The following SYNJ2 variants were observed in gnomAD, a reference collection of about 807,000 sequenced individuals.
The protein encoded by SYNJ2 is polyphosphatidylinositol phosphatase SYNJ2.
SYNJ2 carries 116 observed loss-of-function variants against 141.3 expected under a neutral mutation model. That is an observed-to-expected ratio of 0.82 (90% confidence interval 0.71 to 0.96). SYNJ2 has a LOEUF of 0.96. Ranked by LOEUF, SYNJ2 falls within the 40% of genes least tolerant of loss-of-function variation. The pLI, the probability that SYNJ2 is intolerant of heterozygous loss-of-function variation, is 0.00. For missense variants in SYNJ2, 1,873 were observed against 1,934.8 expected (o/e 0.97, Z 0.60); for synonymous variants, 745 against 777.7 (o/e 0.96, Z 0.70).
intron 8 of SYNJ2, 132 bp from the exon 9 acceptor site, chr6:158,063,659 C>CAA (rs71298907): frequency 0.039 from 7,286 of 187,390 alleles, 42 homozygotes; most frequent in South Asian, 0.049. Flanking sequence ...GACTCTGTCT[C>CAA]AAAAAAAAAA....
intron 2 of SYNJ2, among the ~76,000 whole-genome samples, chr6:158,026,370 C>G (rs544226869): frequency 6.6e-6 from 1 of 152,206 alleles, no homozygotes. Context: ...CCTCTCTGTG[C>G]GTCTGTTTCC....
chr6:158,077,468 T>A (rs927578573), intron 17 of SYNJ2, among the ~76,000 whole-genome samples: 2 of 152,022 alleles, frequency 1.3e-5, no homozygotes, highest in African/African-American at 4.8e-5. Context: ...TTATCCAGCC[T>A]ATTTTGTTCA....
At chr6:158,051,763 A>G (rs1318924810) in intron 5 of SYNJ2, among the ~76,000 whole-genome samples, 1 of 150,076 alleles carries the variant, frequency 6.7e-6, no homozygotes, top group Non-Finnish European at 1.5e-5. Context: ...CGTGGGCAGC[A>G]TGGCGAAACC....
intron 12 of SYNJ2, chr6:158,067,517 A>G (rs527678890): frequency 1.0e-6 from 1 of 985,350 alleles, no homozygotes; most frequent in African/African-American, 1.7e-5. Context: ...TGAAGAATAA[A>G]TGATTCTTGT....
At chr6:157,991,921 T>G (rs936534257) in intron 1 of SYNJ2, among the ~76,000 whole-genome samples, 2 of 152,002 alleles carry the variant, frequency 1.3e-5, no homozygotes, top group Non-Finnish European at 2.9e-5. Context: ...GATTAAAATA[T>G]GGACTGTGCT....
Position 158,048,852 on chromosome 6 carries a change from G to A in SYNJ2, c.795+5453G>A, listed in dbSNP as rs139848792. ...GTTGGGACCAGCTGGGTGCACCGTCGGCTTGCAAGCCTGCAGGAGCTGGCT... is the reference window on the plus strand; with the variant it reads ...GTTGGGACCAGCTGGGTGCACCGTCAGCTTGCAAGCCTGCAGGAGCTGGCT... On this transcript the variant is annotated intron_variant, in intron 5 of 26. Transcript: ENST00000355585. Among the ~76,000 whole-genome samples the A allele has an allele frequency of 2.3e-3, 356 of 152,258 alleles. 1 individual carries two copies. Among genetic ancestry groups the A allele is most frequent in the African/African-American group, 8.2e-3 (341 of 41,538 alleles).
At chr6:158,065,056 C>T (rs768887695) in intron 11 of SYNJ2, 65 bp downstream of exon 11, 76 of 1,460,326 alleles carry the variant, frequency 5.2e-5, no homozygotes, top group Middle Eastern at 2.5e-4. Flanking sequence ...ACTTTCCCAC[C>T]GCCTCTGTGC....
At chr6:158,045,358 C>T (rs1242795176) in intron 5 of SYNJ2, among the ~76,000 whole-genome samples, 18 of 152,132 alleles carry the variant, frequency 1.2e-4, no homozygotes, top group Non-Finnish European at 1.6e-4. Flanking sequence ...GATCCACCCG[C>T]CTCAGCCTCC....
intron 1 of SYNJ2, among the ~76,000 whole-genome samples, chr6:158,003,310 G>A (rs919030073): frequency 2.0e-5 from 3 of 152,158 alleles, no homozygotes; most frequent in Admixed American, 1.3e-4. Flanking sequence ...GTCTTGGCTC[G>A]CAGCTTCTGT....
At position 158,096,134 on chromosome 6, in the gene SYNJ2, C is replaced by T; in HGVS notation, c.4261C>T (p.His1421Tyr). ...YQDPFWNLLH[H>Y]PKLLNNTWLS... The stretch of plus-strand genomic sequence containing the variant: ...GGACCCCTTCTGGAACCTTCTTCAC[C>T]ACCCTAAACTGTTGAATAACACTTG... The change falls in exon 27 of 27, where the codon CAC (histidine) becomes TAC (tyrosine). Residue 1421 changes from histidine (H) to tyrosine (Y), a missense_variant. Coordinates refer to ENST00000355585, the MANE Select transcript of SYNJ2 (RefSeq NM_003898.4). The T allele has an allele frequency of 6.2e-7, 1 of 1,614,268 alleles. No individual in the cohort carries two copies. The highest frequency in any genetic ancestry group is 1.3e-5 in the African/African-American group (1 of 75,074).
At chr6:158,074,923 C>CTTTT (rs66487650) in intron 16 of SYNJ2, among the ~76,000 whole-genome samples, 185 bp downstream of exon 16, 1 of 144,268 alleles carries the variant, frequency 6.9e-6, no homozygotes, top group Non-Finnish European at 1.5e-5. Flanking sequence ...ACTTCCTGTC[C>CTTTT]TTTTTTTTTT....
intron 2 of SYNJ2, among the ~76,000 whole-genome samples, chr6:158,021,564 T>C (rs997270828): frequency 6.6e-6 from 1 of 151,960 alleles, no homozygotes; most frequent in African/African-American, 2.4e-5. Flanking sequence ...AGGAGGGTGC[T>C]GAGTGAGAGG....
chr6:158,045,544 G>A (rs1045320430), intron 5 of SYNJ2, among the ~76,000 whole-genome samples: 9 of 152,116 alleles, frequency 5.9e-5, no homozygotes, highest in Non-Finnish European at 1.3e-4. Context: ...GTGTTTTGGG[G>A]TGCGCGGGAA....
rs60234675 is a variant in SYNJ2, at chr6:158,081,605, C to CTTTTTTTTTTTTTTTTTTTTTT, written c.2865+104_2865+125dup. On this transcript the variant is annotated intron_variant, in intron 20 of 26. Transcript: ENST00000355585. ...TTCCTCCTCTTGCCCTGACCTGTGC[C>CTTTTTTTTTTTTTTTTTTTTTT]TTTTTTTTTTTTTTTTTTTTTTTTT... 1.1e-5 allele frequency: 2 copies of CTTTTTTTTTTTTTTTTTTTTTT among 185,662 alleles called. 1 individual carries two copies. Among genetic ancestry groups the CTTTTTTTTTTTTTTTTTTTTTT allele is most frequent in the Non-Finnish European group, 1.8e-5 (2 of 109,222 alleles). 11.5% of individuals were successfully genotyped at this position (185,662 alleles called of 1,614,324 possible).
chr6:157,996,987 T>G (rs1317112121), intron 1 of SYNJ2, among the ~76,000 whole-genome samples: 2 of 152,010 alleles, frequency 1.3e-5, no homozygotes, highest in Non-Finnish European at 2.9e-5. Context: ...ACACCAAGGG[T>G]TGGCCTGGCT....
rs529653447 is a variant in SYNJ2, at chr6:158,094,885, C to T, written c.3745-733C>T. Among the ~76,000 whole-genome samples the T allele has an allele frequency of 5.3e-5, 8 of 152,324 alleles. No individual in the cohort carries two copies. The East Asian group carries it at 7.7e-4, about 15-fold the overall frequency. On this transcript the variant is annotated intron_variant, in intron 26 of 26. Transcript: ENST00000355585. ...TCAAGGAGCTGGGCGCGGTGGCTCA[C>T]GCGTGTAATCCCAGCACTTTGGGAG...
intron 4 of SYNJ2, among the ~76,000 whole-genome samples, chr6:158,041,765 G>A (rs905173401): frequency 2.6e-5 from 4 of 152,198 alleles, no homozygotes; most frequent in Admixed American, 1.3e-4. Context: ...CTGGAGTGTC[G>A]TGGTGCAATC....
chr6:158,069,435 C>G (rs568781322), intron 13 of SYNJ2, 98 bp from the exon 14 acceptor site: 1 of 1,438,586 alleles, frequency 7.0e-7, no homozygotes, highest in South Asian at 1.4e-5. Flanking sequence ...GAAATCAGTT[C>G]TGCAAACAGA....
At chr6:157,984,293 C>T (rs1201297958) in intron 1 of SYNJ2, among the ~76,000 whole-genome samples, 1 of 152,232 alleles carries the variant, frequency 6.6e-6, no homozygotes, top group Non-Finnish European at 1.5e-5. Context: ...TTCAACATAT[C>T]CTAAATGCAT....
Sources: gnomAD v4.1 joint callset for allele counts (sites outside exome capture counted in the v4.1 genomes callset) on GRCh38, gnomAD v4.1.1 for gene constraint, MANE v1.5 for transcripts, NCBI Gene and HGNC (gene_info 2026-07-23, HGNC 2026-07-21) for gene names.